The following PPP2R2B variants were observed in gnomAD, a reference collection of about 807,000 sequenced individuals.
PPP2R2B encodes the protein protein phosphatase 2 regulatory subunit Bbeta.
A neutral mutation model predicts 46.0 loss-of-function variants in PPP2R2B; 5 were observed. The observed-to-expected ratio is 0.11, with a 90% CI of 0.06 to 0.23. The LOEUF (loss-of-function observed/expected upper bound fraction) is 0.23. Among genes scored for constraint, PPP2R2B ranks in the 10% least tolerant of loss-of-function variants. PPP2R2B has a pLI of 1.00. For synonymous variants in PPP2R2B, 215 were observed against 206.7 expected, an observed-to-expected ratio of 1.04 and a Z score of -0.34; for missense variants, 367 against 575.0, an observed-to-expected ratio of 0.64 and a Z score of 3.70.
intron 2 of PPP2R2B, among the ~76,000 whole-genome samples, chr5:146,770,172 T>C (rs940964347): frequency 6.6e-6 from 1 of 151,264 alleles, no homozygotes; most frequent in African/African-American, 2.4e-5. Context: ...CTACTAAAAA[T>C]ACAAAAATTA....
intron 2 of PPP2R2B, among the ~76,000 whole-genome samples, chr5:146,870,225 A>G (rs897331077): frequency 2.2e-4 from 33 of 152,202 alleles, no homozygotes; most frequent in African/African-American, 8.0e-4. Context: ...CCCCAGTGTT[A>G]TGGACCAAAT....
intron 2 of PPP2R2B, among the ~76,000 whole-genome samples, chr5:146,741,083 G>A (rs1248260530): frequency 1.3e-5 from 2 of 151,496 alleles, no homozygotes; most frequent in African/African-American, 2.4e-5. Flanking sequence ...CAGTTCTACT[G>A]AATCAGATTC....
chr5:147,068,075 T>G (rs2151909925), intron 2 of PPP2R2B, among the ~76,000 whole-genome samples: 1 of 152,288 alleles, frequency 6.6e-6, no homozygotes, highest in African/African-American at 2.4e-5. Context: ...TTTACTAAAC[T>G]TAGCAAATAT....
At chr5:146,687,018 T>C (rs955081834) in intron 5 of PPP2R2B, among the ~76,000 whole-genome samples, 1 of 148,418 alleles carries the variant, frequency 6.7e-6, no homozygotes, top group South Asian at 2.1e-4. Context: ...TGTGTAAGTG[T>C]GTGTGTATGT....
At chr5:146,823,274 T>C (rs1198520638) in intron 2 of PPP2R2B, among the ~76,000 whole-genome samples, 1 of 152,176 alleles carries the variant, frequency 6.6e-6, no homozygotes, top group Non-Finnish European at 1.5e-5. Context: ...CTCGACTCAC[T>C]GCAACCTCCA....
At chr5:147,002,380 A>T (rs181837704) in intron 1 of PPP2R2B, among the ~76,000 whole-genome samples, 36 of 152,236 alleles carry the variant, frequency 2.4e-4, no homozygotes, top group South Asian at 2.1e-4. Context: ...TGAGGACAAA[A>T]GGCATCACTC....
At chr5:146,978,354 T>G (rs775829141) in intron 1 of PPP2R2B, among the ~76,000 whole-genome samples, 1 of 152,228 alleles carries the variant, frequency 6.6e-6, no homozygotes, top group South Asian at 2.1e-4. Context: ...TCTTTTGCTG[T>G]GCAGAAGCTC....
intron 2 of PPP2R2B, among the ~76,000 whole-genome samples, chr5:146,844,318 C>T (rs1759851210): frequency 6.8e-6 from 1 of 146,410 alleles, no homozygotes; most frequent in Non-Finnish European, 1.5e-5. Context: ...CTAACCTGCA[C>T]AATGTGCACA....
intron 2 of PPP2R2B, among the ~76,000 whole-genome samples, chr5:146,790,753 G>GA (rs1484161258): frequency 6.6e-6 from 1 of 152,146 alleles, no homozygotes. Context: ...TTTCTTCTCT[G>GA]AAAATCCTAC....
chr5:146,633,132 G>A (rs1281287677), intron 7 of PPP2R2B, among the ~76,000 whole-genome samples: 1 of 152,172 alleles, frequency 6.6e-6, no homozygotes, highest in Non-Finnish European at 1.5e-5. Flanking sequence ...ACTACCGCCA[G>A]AAGTGGTAGA....
intron 2 of PPP2R2B, among the ~76,000 whole-genome samples, chr5:146,838,456 A>C (rs1013574802): frequency 6.6e-6 from 1 of 151,870 alleles, no homozygotes; most frequent in South Asian, 2.1e-4. Context: ...CTGTAATCCC[A>C]GTTACTTCGG....
At chr5:146,651,117 C>G (rs1028749734) in intron 5 of PPP2R2B, among the ~76,000 whole-genome samples, 3 of 152,020 alleles carry the variant, frequency 2.0e-5, no homozygotes, top group African/African-American at 7.3e-5. Context: ...TTAGAAATGT[C>G]TAGTTCAACT....
At chr5:146,681,689 C>T (rs2151137718) in intron 5 of PPP2R2B, among the ~76,000 whole-genome samples, 2 of 152,278 alleles carry the variant, frequency 1.3e-5, no homozygotes, top group South Asian at 4.1e-4. Flanking sequence ...CTATCTGGGT[C>T]AGTGTGAATC....
At chr5:146,895,908 T>C (rs974329297) in intron 1 of PPP2R2B, among the ~76,000 whole-genome samples, 2 of 152,184 alleles carry the variant, frequency 1.3e-5, no homozygotes, top group African/African-American at 4.8e-5. Context: ...CATCAAAATA[T>C]GTCCTGTCAC....
At chr5:146,868,982 A>G in intron 2 of PPP2R2B, among the ~76,000 whole-genome samples, 1 of 152,236 alleles carries the variant, frequency 6.6e-6, no homozygotes. Context: ...AGCCTATACA[A>G]GTAAACTGGA....
In PPP2R2B at chr5:146,719,168, A is replaced by T. The variant is rs969272819; in HGVS notation, c.71-18026T>A. Among the ~76,000 whole-genome samples the T allele has an allele frequency of 9.2e-5, 14 of 152,336 alleles. No homozygotes were observed. The East Asian group carries it at 2.7e-3, about 29-fold the overall frequency. On this transcript the variant is annotated intron_variant, in intron 2 of 9. Transcript: ENST00000394411. ...TTAAATTATAGCTTCCACATTTACT[A>T]GCTGGCAAATCTTGGGTTTATTATT...
At chr5:146,813,762 A>G (rs1479689785) in intron 2 of PPP2R2B, among the ~76,000 whole-genome samples, 3 of 152,190 alleles carry the variant, frequency 2.0e-5, no homozygotes, top group Admixed American at 6.5e-5. Context: ...TAATCAAAAG[A>G]TGAGGAGACT....
At chr5:146,695,679 T>G (rs554642262) in intron 4 of PPP2R2B, among the ~76,000 whole-genome samples, 12 of 152,310 alleles carry the variant, frequency 7.9e-5, no homozygotes, top group African/African-American at 2.9e-4. Flanking sequence ...CTAAGGAACA[T>G]GTGGCTGTTA....
chr5:146,806,005 G>T (rs1719078832), intron 2 of PPP2R2B, among the ~76,000 whole-genome samples: 1 of 152,144 alleles, frequency 6.6e-6, no homozygotes, highest in African/African-American at 2.4e-5. Flanking sequence ...GTAACATCAA[G>T]AAAAAGGCCA....
Sources: allele counts gnomAD v4.1 joint callset (sites outside exome capture counted in the v4.1 genomes callset), GRCh38; gene constraint gnomAD v4.1.1; transcripts MANE v1.5; gene names NCBI Gene and HGNC (gene_info 2026-07-23, HGNC 2026-07-21).